STXBP5L: variants seen among roughly 807,000 people sequenced by gnomAD.
STXBP5L encodes syntaxin-binding protein 5-like.
Under a neutral mutation model 144.5 loss-of-function variants are expected in STXBP5L, and 65 were observed. The observed-to-expected ratio is 0.45, with a 90% CI of 0.37 to 0.55. The LOEUF (loss-of-function observed/expected upper bound fraction) is 0.55. Among genes scored for constraint, STXBP5L ranks in the 20% least tolerant of loss-of-function variants. STXBP5L has a pLI of 0.00. For synonymous variants in STXBP5L, 505 were observed against 469.6 expected, an observed-to-expected ratio of 1.08 and a Z score of -0.97; for missense variants, 1,298 against 1,405.5, an observed-to-expected ratio of 0.92 and a Z score of 1.22.
At chr3:121,324,133 A>G (rs2044067898) in intron 20 of STXBP5L, among the ~76,000 whole-genome samples, 1 of 152,160 alleles carries the variant, frequency 6.6e-6, no homozygotes, top group African/African-American at 2.4e-5. Context: ...GAAGGCTAGG[A>G]TGATAGAAAT....
At position 120,974,913 on chromosome 3, in the gene STXBP5L, G is replaced by T. The variant is rs1424198702; in HGVS notation, c.287+19876G>T. 2.6e-5 allele frequency among the ~76,000 whole-genome samples: 4 copies of T among 152,038 alleles called. No individual in the cohort carries two copies. The East Asian group carries it at 7.7e-4, about 29-fold the overall frequency. On this transcript the variant is annotated intron_variant, in intron 3 of 26. Transcript: ENST00000471454. ...TTCCATTGATCTATATCTCTGTTTT[G>T]GTACCAGTACCATGCTGTTTTGGTT...
At chr3:121,270,232 C>CT (rs34309576) in intron 18 of STXBP5L, among the ~76,000 whole-genome samples, 151 of 137,322 alleles carry the variant, frequency 1.1e-3, no homozygotes, top group East Asian at 1.7e-3. Context: ...AGAAGAAGAG[C>CT]TTTTTTTTTT....
At chr3:121,182,958 C>T (rs1055040382) in intron 9 of STXBP5L, among the ~76,000 whole-genome samples, 3 of 152,164 alleles carry the variant, frequency 2.0e-5, no homozygotes, top group Non-Finnish European at 4.4e-5. Flanking sequence ...AAAGATTACA[C>T]ATCATAATCA....
intron 20 of STXBP5L, among the ~76,000 whole-genome samples, chr3:121,356,759 C>A (rs2045528995): frequency 6.6e-6 from 1 of 152,180 alleles, no homozygotes; most frequent in South Asian, 2.1e-4. Flanking sequence ...CAGAAATCAC[C>A]CATCTTCTGT....
chr3:121,309,445 A>G (rs1299055478), intron 19 of STXBP5L, among the ~76,000 whole-genome samples: 1 of 152,144 alleles, frequency 6.6e-6, no homozygotes, highest in Admixed American at 6.5e-5. Context: ...TCAAGATGAG[A>G]CAATAATTAA....
intron 19 of STXBP5L, among the ~76,000 whole-genome samples, chr3:121,315,855 AGCT>A (rs2043766734): frequency 6.6e-6 from 1 of 152,000 alleles, no homozygotes; most frequent in Admixed American, 6.6e-5. Context: ...TATAAAAATT[AGCT>A]GGGCTTGGTG....
chr3:121,176,916 T>C (rs2046960039), intron 9 of STXBP5L, among the ~76,000 whole-genome samples: 1 of 151,936 alleles, frequency 6.6e-6, no homozygotes, highest in Non-Finnish European at 1.5e-5. Flanking sequence ...TAAACAGAAG[T>C]AATATTTAAA....
intron 19 of STXBP5L, among the ~76,000 whole-genome samples, chr3:121,303,222 T>A (rs1444531436): frequency 1.3e-5 from 2 of 152,148 alleles, no homozygotes; most frequent in African/African-American, 2.4e-5. Context: ...GCAAAGGATA[T>A]GAACAGACAC....
intron 19 of STXBP5L, among the ~76,000 whole-genome samples, chr3:121,281,200 A>G (rs1029396416): frequency 6.6e-6 from 1 of 151,870 alleles, no homozygotes; most frequent in Non-Finnish European, 1.5e-5. Context: ...GCAAAACTCA[A>G]TGATTTCTGA....
chr3:121,340,641 T>C (rs2044674583), intron 20 of STXBP5L, among the ~76,000 whole-genome samples: 1 of 152,152 alleles, frequency 6.6e-6, no homozygotes, highest in African/African-American at 2.4e-5. Flanking sequence ...TTCATCCATG[T>C]TCCTGCAAAG....
At chr3:121,369,648 G>T (rs1180219685) in intron 20 of STXBP5L, among the ~76,000 whole-genome samples, 1 of 151,902 alleles carries the variant, frequency 6.6e-6, no homozygotes, top group Middle Eastern at 3.2e-3. Context: ...CTTCAGAAAA[G>T]CCTTTCACCA....
At chr3:121,323,228 A>G (rs2044034109) in intron 20 of STXBP5L, among the ~76,000 whole-genome samples, 1 of 151,958 alleles carries the variant, frequency 6.6e-6, no homozygotes, top group African/African-American at 2.4e-5. Flanking sequence ...TTTTGTTGCA[A>G]TTGTTTTTGA....
At chr3:120,976,008 T>A (rs902770325) in intron 3 of STXBP5L, among the ~76,000 whole-genome samples, 1 of 152,192 alleles carries the variant, frequency 6.6e-6, no homozygotes, top group African/African-American at 2.4e-5. Context: ...AAATTCTCTT[T>A]TTTTTGTTGT....
intron 22 of STXBP5L, among the ~76,000 whole-genome samples, chr3:121,383,822 A>G (rs573427910): frequency 5.9e-5 from 9 of 152,064 alleles, no homozygotes; most frequent in Non-Finnish European, 7.4e-5. Flanking sequence ...TCCTATACCC[A>G]TGAGTCTCTG....
At chr3:121,021,478 G>T (rs1019724529) in intron 3 of STXBP5L, among the ~76,000 whole-genome samples, 2 of 152,080 alleles carry the variant, frequency 1.3e-5, no homozygotes, top group African/African-American at 4.8e-5. Context: ...CCATTCATTA[G>T]CATATGGAAC....
At chr3:121,000,449 A>C (rs113174594) in intron 3 of STXBP5L, among the ~76,000 whole-genome samples, 1 of 152,002 alleles carries the variant, frequency 6.6e-6, no homozygotes, top group South Asian at 2.1e-4. Flanking sequence ...TGAGTTTTTC[A>C]TGTCTATCAG....
chr3:121,206,642 T>A (rs2048345951), intron 10 of STXBP5L, among the ~76,000 whole-genome samples: 1 of 152,100 alleles, frequency 6.6e-6, no homozygotes, highest in South Asian at 2.1e-4. Context: ...AAACCCTGCC[T>A]CTGCTAGAAA....
intron 19 of STXBP5L, among the ~76,000 whole-genome samples, chr3:121,288,254 A>G (rs767645738): frequency 2.6e-5 from 4 of 152,262 alleles, no homozygotes; most frequent in Non-Finnish European, 5.9e-5. Flanking sequence ...GGGCATTTAG[A>G]CTGATTCCAT....
At chr3:121,384,058 A>G (rs2046374309) in intron 22 of STXBP5L, among the ~76,000 whole-genome samples, 2 of 152,122 alleles carry the variant, frequency 1.3e-5, no homozygotes, top group Admixed American at 6.6e-5. Context: ...CATGAGTCAA[A>G]TAGTTTCCTT....
Sources: allele counts gnomAD v4.1 joint callset (sites outside exome capture counted in the v4.1 genomes callset), GRCh38; gene constraint gnomAD v4.1.1; transcripts MANE v1.5; gene names NCBI Gene and HGNC (gene_info 2026-07-23, HGNC 2026-07-21).